SPTBN4: variants seen among roughly 807,000 people sequenced by gnomAD.
SPTBN4 encodes the protein spectrin beta, non-erythrocytic 4, also known as spectrin beta chain, non-erythrocytic 4.
In SPTBN4, 96 loss-of-function variants were observed where a neutral mutation model predicts 277.8. That is an observed-to-expected ratio of 0.35 (90% CI 0.29 to 0.41). The LOEUF (loss-of-function observed/expected upper bound fraction) is 0.41. Ranked by LOEUF, SPTBN4 falls within the 10% of genes least tolerant of loss-of-function variation. The pLI is 1.00. For synonymous variants in SPTBN4, 1,481 were observed against 1,580.3 expected (o/e 0.94, Z 1.49); for missense variants, 3,006 against 3,595.7 (o/e 0.84, Z 4.19).
At chr19:40,572,499 C>A in intron 35 of SPTBN4, 119 bp downstream of exon 35, 1 of 1,312,832 alleles carries the variant, frequency 7.6e-7, no homozygotes, top group Non-Finnish European at 1.1e-6. Context: ...GTTATCAGGG[C>A]TGTAATGGGA....
chr19:40,508,379 C>T (rs1318932308), intron 13 of SPTBN4, among the ~76,000 whole-genome samples: 2 of 152,148 alleles, frequency 1.3e-5, no homozygotes, highest in Non-Finnish European at 2.9e-5. Flanking sequence ...AGCTGTGGGG[C>T]TTCTCAGCAA....
Position 40,502,186 on chromosome 19 carries a change from CT to C in SPTBN4, c.957del (p.Glu320SerfsTer22). ...ATAGAACGCTACGAGGAGCTGGCGG[CT>C]GAGCTGCTGGCCTGGATCCACCGCA... ...KIIERYEELA[A>X]ELLAWIHRTV... is the part of the protein sequence containing the mutation. On this transcript the variant is annotated frameshift_variant, in exon 9 of 36. Transcript: ENST00000598249. LOFTEE classifies it high-confidence loss of function. This position sits in a 1 kb window ranked among gnomAD's most constrained non-coding sequence, Gnocchi z 4.9. 1 of 1,614,100 alleles carries C rather than the reference CT, an allele frequency of 6.2e-7. No homozygotes were observed.
chr19:40,494,756 ACC>A, intron 5 of SPTBN4, 139 bp from the exon 6 acceptor site: 1 of 704,648 alleles, frequency 1.4e-6, no homozygotes, highest in Non-Finnish European at 2.5e-6. Flanking sequence ...CCCAACACCC[ACC>A]CATCCATCCA....
intron 20 of SPTBN4, among the ~76,000 whole-genome samples, chr19:40,536,908 C>T (rs751408844): frequency 5.9e-5 from 9 of 151,994 alleles, no homozygotes; most frequent in East Asian, 1.9e-4. Flanking sequence ...CCCTCAGTCC[C>T]GCAAGTAGCT....
intron 7 of SPTBN4, 31 bp downstream of exon 7, chr19:40,497,635 C>A: frequency 1.9e-6 from 3 of 1,574,062 alleles, no homozygotes; most frequent in Non-Finnish European, 2.6e-6. Context: ...GCCCAGACTT[C>A]GTCTTGGGGG....
At chr19:40,565,608 G>T (rs2081083869) in intron 28 of SPTBN4, 47 bp downstream of exon 28, 2 of 1,584,720 alleles carry the variant, frequency 1.3e-6, no homozygotes, top group South Asian at 2.3e-5. Context: ...GGCACATTGG[G>T]GTGGAAGCCA....
intron 26 of SPTBN4, among the ~76,000 whole-genome samples, chr19:40,558,415 A>G (rs2145938677): frequency 6.6e-6 from 1 of 152,148 alleles, no homozygotes; most frequent in East Asian, 1.9e-4. Context: ...ACTTTTCTGA[A>G]ATTAATTTGA....
rs1010961790 is a variant in SPTBN4 at position 40,512,906 on chromosome 19, G to C, written c.2117G>C (p.Gly706Ala). The change falls in exon 14 of 36, where the codon GGC (glycine) becomes GCC (alanine). Residue 706 changes from glycine (G) to alanine (A), a missense_variant. Coordinates refer to ENST00000598249, the MANE Select transcript of SPTBN4 (RefSeq NM_020971.3). ...RLLAQHKILQGELGGRRALLQ... is the reference protein window; with the variant it reads ...RLLAQHKILQAELGGRRALLQ... ...CTGGCCCAGCACAAGATCCTGCAGG[G>C]CGAGCTGGGCGGGCGGCGAGCGTTG... 1.0e-5 allele frequency: 15 copies of C among 1,429,702 alleles called. No individual in the cohort carries two copies. Among genetic ancestry groups the C allele is most frequent in the Admixed American group, 3.2e-5 (1 of 31,134 alleles). 88.6% of individuals were successfully genotyped at this position (1,429,702 alleles called of 1,614,324 possible).
At chr19:40,546,995 TC>T (rs1186482677) in intron 20 of SPTBN4, among the ~76,000 whole-genome samples, 1 of 151,988 alleles carries the variant, frequency 6.6e-6, no homozygotes, top group Non-Finnish European at 1.5e-5. Context: ...GCCTTCTAAC[TC>T]TATGAAATTT....
chr19:40,565,573 G>A lies in SPTBN4; in HGVS notation c.6054+12G>A, dbSNP rs1038416110. 2.5e-6 allele frequency: 4 copies of A among 1,612,030 alleles called. No homozygotes were observed. Among genetic ancestry groups the A allele is most frequent in the African/African-American group, 2.7e-5 (2 of 74,910 alleles). Reference sequence around the variant, plus strand: ...CCATGGCTGATGAGGTGGGGAGCAGGGAGGGGGTCCCCCTCTGCCACCCGG... The same window carrying A: ...CCATGGCTGATGAGGTGGGGAGCAGAGAGGGGGTCCCCCTCTGCCACCCGG... On this transcript the variant is annotated intron_variant, in intron 28 of 35. Transcript: ENST00000598249.
chr19:40,569,977 C>CACACACAG (rs2081136781), intron 32 of SPTBN4, among the ~76,000 whole-genome samples: 1 of 146,470 alleles, frequency 6.8e-6, no homozygotes, highest in Non-Finnish European at 1.5e-5. Flanking sequence ...CACACACAGA[C>CACACACAG]ACACACACAC....
At chr19:40,541,977 A>G (rs1224759010) in intron 20 of SPTBN4, among the ~76,000 whole-genome samples, 4 of 152,122 alleles carry the variant, frequency 2.6e-5, no homozygotes, top group Non-Finnish European at 5.9e-5. Context: ...GCTGGAGTGC[A>G]ATGGCACAGT....
At chr19:40,538,535 C>G (rs2080764462) in intron 20 of SPTBN4, among the ~76,000 whole-genome samples, 1 of 152,184 alleles carries the variant, frequency 6.6e-6, no homozygotes, top group African/African-American at 2.4e-5. Flanking sequence ...GGGTGTTTGC[C>G]CGTGCAGTGA....
chr19:40,503,917 C>T lies in SPTBN4; in HGVS notation c.1450C>T (p.Arg484Trp). 1.2e-6 allele frequency: 2 copies of T among 1,613,648 alleles called. No homozygotes were observed. The highest frequency in any genetic ancestry group is 1.3e-5 in the African/African-American group (1 of 74,992). Residue 484 changes from arginine (R) to tryptophan (W), a missense_variant, in exon 12 of 36, where the codon CGG becomes TGG. This residue lies in a region of SPTBN4 where 1,759 missense variants were observed against 2,061.5 expected (regional missense o/e 0.85). Transcript: ENST00000598249. ...GGCAGACATTGCGGCCTACGAGGAG[C>T]GGGTGCAGGGTGTGGCGGAGCTGGC... Reference protein sequence around the residue: ...IEADIAAYEERVQGVAELAQA... With the variant: ...IEADIAAYEEWVQGVAELAQA...
At chr19:40,479,310 GA>G (rs1170445818) in intron 2 of SPTBN4, among the ~76,000 whole-genome samples, 1 of 152,022 alleles carries the variant, frequency 6.6e-6, no homozygotes, top group African/African-American at 2.4e-5. Context: ...CAACATTAAG[GA>G]AAATTGTTTG....
intron 20 of SPTBN4, among the ~76,000 whole-genome samples, chr19:40,546,049 C>T (rs1274466396): frequency 1.1e-5 from 1 of 91,788 alleles, no homozygotes; most frequent in Non-Finnish European, 2.1e-5. Flanking sequence ...GACTCTGCCT[C>T]AAAAAAAAAA....
Position 40,515,443 on chromosome 19 carries a change from C to T in SPTBN4, c.2898C>T (p.Asn966=). The T allele has an allele frequency of 6.4e-7, 1 of 1,557,364 alleles. No individual in the cohort carries two copies. ...DEVRSCQDHL[N]SRWNRIVELV... ...TGCGTTCCTGCCAGGACCACCTCAA[C>T]AGCAGGTAGGAGGGCCTGGGGCTGG... is the stretch of plus-strand genomic sequence containing the variant. The change falls in exon 15 of 36, where the codon AAC becomes AAT. Residue 966 remains asparagine, a synonymous_variant. Transcript: ENST00000598249. The surrounding 1 kb of genome is among the most constrained non-coding windows in gnomAD (Gnocchi z 4.1).
At chr19:40,488,726 C>T (rs2145825626) in intron 3 of SPTBN4, among the ~76,000 whole-genome samples, 1 of 152,304 alleles carries the variant, frequency 6.6e-6, no homozygotes, top group Middle Eastern at 3.4e-3. Flanking sequence ...GAGAGGATCG[C>T]TTGAGCCTGG....
At chr19:40,555,993 C>A in intron 24 of SPTBN4, 91 bp from the exon 25 acceptor site, 1 of 1,139,802 alleles carries the variant, frequency 8.8e-7, no homozygotes, top group Non-Finnish European at 1.2e-6. Flanking sequence ...CAAGGAAACA[C>A]AGCCCTGTCC....
Sources: gnomAD v4.1 joint callset for allele counts (sites outside exome capture counted in the v4.1 genomes callset) on GRCh38, gnomAD v4.1.1 for gene constraint, gnomAD v4.1.1 regional missense constraint, Gnocchi (gnomAD v3.1) non-coding constraint, MANE v1.5 for transcripts, NCBI Gene and HGNC (gene_info 2026-07-23, HGNC 2026-07-21) for gene names.